Variants in POLR1B observed in about 807,000 individuals in gnomAD.
POLR1B encodes RNA polymerase I subunit B, also known as DNA-directed RNA polymerase I subunit RPA2.
POLR1B carries 30 observed loss-of-function variants against 105.8 expected under a neutral mutation model. That is an observed-to-expected ratio of 0.28 (90% CI 0.21 to 0.38). POLR1B has a LOEUF of 0.38. Among genes scored for constraint, POLR1B ranks in the 10% least tolerant of loss-of-function variants. POLR1B has a pLI of 1.00. For synonymous variants in POLR1B, 485 were observed against 505.1 expected (o/e 0.96, Z 0.53); for missense variants, 976 against 1,435.8 (o/e 0.68, Z 5.17).
At chr2:112,558,354 C>T (rs548009218) in intron 8 of POLR1B, among the ~76,000 whole-genome samples, 1 of 152,272 alleles carries the variant, frequency 6.6e-6, no homozygotes, top group African/African-American at 2.4e-5. Context: ...AACAGGAACT[C>T]TAGATGGGTT....
intron 7 of POLR1B, among the ~76,000 whole-genome samples, chr2:112,556,933 C>T (rs1432848201): frequency 6.6e-6 from 1 of 152,146 alleles, no homozygotes; most frequent in African/African-American, 2.4e-5. Context: ...TCACCTCAAA[C>T]ATGTATCATT....
At chr2:112,556,597 A>T (rs1168583356) in intron 7 of POLR1B, among the ~76,000 whole-genome samples, 2 of 152,204 alleles carry the variant, frequency 1.3e-5, no homozygotes, top group Non-Finnish European at 2.9e-5. Flanking sequence ...TCAAACACTG[A>T]TAGTTTGAAG....
At chr2:112,549,149 C>T in intron 3 of POLR1B, 118 bp from the exon 4 acceptor site, 2 of 1,118,898 alleles carry the variant, frequency 1.8e-6, no homozygotes, top group Admixed American at 4.1e-5. Flanking sequence ...ATCAGTAGTA[C>T]ATTTCACCTC....
chr2:112,549,496 TTTC>T, intron 4 of POLR1B, 97 bp downstream of exon 4: 1 of 960,822 alleles, frequency 1.0e-6, no homozygotes. Flanking sequence ...GATATTTTTG[TTTC>T]TTTTTTTTTT....
upstream of POLR1B, chr2:112,542,429 G>T (rs1682797764): frequency 1.5e-6 from 2 of 1,328,866 alleles, no homozygotes; most frequent in East Asian, 4.8e-5. Flanking sequence ...ACTACTTCCG[G>T]CGTGTACCGA....
chr2:112,565,077 T>C (rs1412602931), intron 10 of POLR1B, among the ~76,000 whole-genome samples: 1 of 152,242 alleles, frequency 6.6e-6, no homozygotes, highest in African/African-American at 2.4e-5. Context: ...AGTTTTCGTT[T>C]AAGTGCTGTT....
Position 112,568,781 on chromosome 2 carries a change from T to G in POLR1B, c.1953T>G (p.Val651=), listed in dbSNP as rs758932638. ...ATGTCGCTATCTTTGAGGATGAAGT[T>G]TTTGCTGGAGTTACCACACACCAGG... is the stretch of plus-strand genomic sequence containing the variant. ...FMNVAIFEDE[V]FAGVTTHQEL... Residue 651 remains valine (V), a synonymous_variant, in exon 12 of 15, where the codon GTT becomes GTG. Transcript: ENST00000263331. The G allele has an allele frequency of 6.2e-7, 1 of 1,614,048 alleles. No individual in the cohort carries two copies. The highest frequency in any genetic ancestry group is 8.5e-7 in the Non-Finnish European group (1 of 1,179,982).
chr2:112,561,415 C>G (rs1481062758), intron 9 of POLR1B, among the ~76,000 whole-genome samples: 1 of 151,830 alleles, frequency 6.6e-6, no homozygotes, highest in African/African-American at 2.4e-5. Context: ...GACACTCTAA[C>G]AAACACTTGA....
intron 12 of POLR1B, among the ~76,000 whole-genome samples, chr2:112,569,562 CT>C (rs1290911320): frequency 2.2e-3 from 315 of 140,478 alleles, no homozygotes; most frequent in Middle Eastern, 3.7e-3. Flanking sequence ...TAGTGTGTTT[CT>C]TTTTTTTTTT....
At chr2:112,554,548 A>G (rs916277374) in intron 7 of POLR1B, 6 of 152,032 alleles carry the variant, frequency 3.9e-5, no homozygotes, top group African/African-American at 7.3e-5. Flanking sequence ...GCAGCCTACA[A>G]TTTTCCTGAC....
At chr2:112,547,322 A>G in intron 2 of POLR1B, 99 bp from the exon 3 acceptor site, 1 of 1,489,974 alleles carries the variant, frequency 6.7e-7, no homozygotes, top group Non-Finnish European at 9.2e-7. Flanking sequence ...GGCATAAAAT[A>G]ATTTAATTGA....
Position 112,559,336 on chromosome 2 carries a change from C to T in POLR1B, c.1374C>T (p.Asp458=), listed in dbSNP as rs1683837901. ...ATTCTGGACTTTGTGTTGTGGCTGA[C>T]AAGCTGAACTTCATACGCTACCTCT... ...LQDSGLCVVA[D]KLNFIRYLSH... is the part of the protein sequence containing the mutation. The change falls in exon 9 of 15, where the codon GAC becomes GAT. Residue 458 remains aspartate (D), a synonymous_variant. Coordinates refer to ENST00000263331, the MANE Select transcript of POLR1B (RefSeq NM_019014.6). 6.2e-7 allele frequency: 1 copy of T among 1,614,086 alleles called. No individual in the cohort carries two copies. Among genetic ancestry groups the T allele is most frequent in the Admixed American group, 1.7e-5 (1 of 60,006 alleles).
upstream of POLR1B, chr2:112,542,423 C>T (rs749232024): frequency 1.2e-6 from 2 of 1,611,216 alleles, no homozygotes; most frequent in East Asian, 2.2e-5. Context: ...GCGGCCACTA[C>T]TTCCGGCGTG....
At chr2:112,574,782 C>A in intron 14 of POLR1B, 65 bp from the exon 15 acceptor site, 38 of 1,070,806 alleles carry the variant, frequency 3.5e-5, no homozygotes, top group Non-Finnish European at 4.5e-5. Context: ...CTAATTATAT[C>A]AATGAAACTT....
intron 9 of POLR1B, among the ~76,000 whole-genome samples, chr2:112,559,979 A>G (rs1683888728): frequency 6.6e-6 from 1 of 152,108 alleles, no homozygotes. Flanking sequence ...TTGGAGATTC[A>G]GCAGAGATTT....
chr2:112,550,020 A>C (rs1049591769), intron 4 of POLR1B, among the ~76,000 whole-genome samples: 6 of 152,264 alleles, frequency 3.9e-5, no homozygotes, highest in Non-Finnish European at 7.3e-5. Flanking sequence ...GCTAACTGAA[A>C]GAGCATGTGT....
rs984611771 is a variant in POLR1B, at chr2:112,568,105, G to T, written c.1885G>T (p.Gly629Cys). 2 of 1,613,872 alleles carry T rather than the reference G, an allele frequency of 1.2e-6. No individual in the cohort carries two copies. Among genetic ancestry groups the T allele is most frequent in the South Asian group, 2.2e-5 (2 of 91,066 alleles). The change falls in exon 11 of 15, where the codon GGC becomes TGC. Residue 629 changes from glycine to cysteine, a missense_variant. This residue lies in a region of POLR1B where 184 missense variants were observed against 197.4 expected (regional missense o/e 0.93). Transcript: ENST00000263331. ...LVRPVQNLAL[G>C]KEELIGTMEQ... ...ACGGCCTGTGCAGAACTTAGCATTG[G>T]GCAAAGAAGAGCTAATTGGAACTAT...
At chr2:112,568,950 G>T in intron 12 of POLR1B, 48 bp downstream of exon 12, 1 of 1,544,362 alleles carries the variant, frequency 6.5e-7, no homozygotes, top group South Asian at 1.2e-5. Flanking sequence ...AAGTAAACTT[G>T]ATACTAGCAC....
intron 4 of POLR1B, 73 bp downstream of exon 4, chr2:112,549,472 TC>T: frequency 9.1e-7 from 1 of 1,101,768 alleles, no homozygotes; most frequent in Non-Finnish European, 1.2e-6. Context: ...AGTAGATGCA[TC>T]CAAATGGTCT....
Sources: gnomAD v4.1 joint callset for allele counts (sites outside exome capture counted in the v4.1 genomes callset) on GRCh38, gnomAD v4.1.1 for gene constraint, gnomAD v4.1.1 regional missense constraint, MANE v1.5 for transcripts, NCBI Gene and HGNC (gene_info 2026-07-23, HGNC 2026-07-21) for gene names.